Variants in TRAPPC9 observed in about 807,000 individuals in gnomAD.
The protein encoded by TRAPPC9 is trafficking protein particle complex subunit 9, also known as IKK2 binding protein.
A neutral mutation model predicts 124.0 loss-of-function variants in TRAPPC9; 83 were observed. That is an observed-to-expected ratio of 0.67 (90% CI 0.56 to 0.80). The LOEUF (loss-of-function observed/expected upper bound fraction) is 0.80, where lower values mean the gene tolerates loss of function less well. Ranked by LOEUF, TRAPPC9 falls within the 30% of genes least tolerant of loss-of-function variation. The pLI, the probability that TRAPPC9 is intolerant of heterozygous loss-of-function variation, is 0.00. For missense variants in TRAPPC9, 1,302 were observed against 1,508.3 expected (o/e 0.86, Z 2.27); for synonymous variants, 638 against 617.5 (o/e 1.03, Z -0.49).
intron 19 of TRAPPC9, among the ~76,000 whole-genome samples, chr8:139,963,707 C>T (rs919763999): frequency 7.5e-6 from 1 of 133,708 alleles, no homozygotes. Flanking sequence ...ACCTAAAGGG[C>T]GTCGGAACCA....
Position 140,397,752 on chromosome 8 carries a change from G to C in TRAPPC9, c.1009-7C>G. On this transcript the variant is annotated splice_region_variant and splice_polypyrimidine_tract_variant and intron_variant, in intron 6 of 22. Transcript: ENST00000438773. ...TCACTCCCGCATTCTTATACTGCAG[G>C]GTGTAAAGGAAATGCCTCAGTCAAA... 1 of 1,613,924 alleles carries C rather than the reference G, an allele frequency of 6.2e-7. No individual in the cohort carries two copies. Among genetic ancestry groups the C allele is most frequent in the Non-Finnish European group, 8.5e-7 (1 of 1,179,966 alleles).
chr8:139,974,487 T>G (rs542847989), intron 19 of TRAPPC9, among the ~76,000 whole-genome samples: 4 of 152,260 alleles, frequency 2.6e-5, no homozygotes, highest in African/African-American at 9.6e-5. Context: ...CTACAACCTC[T>G]TGGCAACCCA....
At chr8:140,157,013 G>GCCTCCCTTTTCCATTCAA (rs1563804211) in intron 17 of TRAPPC9, among the ~76,000 whole-genome samples, 1 of 22,144 alleles carries the variant, frequency 4.5e-5, no homozygotes, top group Non-Finnish European at 8.8e-5. Flanking sequence ...TTTCCATTCA[G>GCCTCCCTTTTCCATTCAA]AAGCCTCCCT....
At chr8:140,267,652 T>C (rs1230453703) in intron 15 of TRAPPC9, among the ~76,000 whole-genome samples, 2 of 148,162 alleles carry the variant, frequency 1.3e-5, no homozygotes, top group Admixed American at 6.8e-5. Context: ...GCTATTCTTT[T>C]GGGGTTTTTC....
intron 17 of TRAPPC9, among the ~76,000 whole-genome samples, chr8:140,158,677 T>C (rs1266202160): frequency 6.6e-6 from 1 of 152,234 alleles, no homozygotes; most frequent in African/African-American, 2.4e-5. Flanking sequence ...GATAAATAAC[T>C]ACAACCTTCC....
At chr8:139,987,735 C>A (rs900389377) in intron 19 of TRAPPC9, among the ~76,000 whole-genome samples, 1 of 152,148 alleles carries the variant, frequency 6.6e-6, no homozygotes. Flanking sequence ...GGAAGCACAG[C>A]CTCTTAGTAT....
At chr8:139,910,102 GGGCAAAGGTGCCCCCAGGCCCA>G in intron 20 of TRAPPC9, 23 bp downstream of exon 20, 1 of 1,612,266 alleles carries the variant, frequency 6.2e-7, no homozygotes, top group Non-Finnish European at 8.5e-7. Flanking sequence ...TTGGAACCCT[GGGCAAAGGTGCCCCCAGGCCCA>G]GGTGGCCCCT....
intron 21 of TRAPPC9, among the ~76,000 whole-genome samples, chr8:139,770,225 T>C (rs1468040648): frequency 6.6e-6 from 1 of 152,234 alleles, no homozygotes; most frequent in Non-Finnish European, 1.5e-5. Context: ...GTGGTGACAA[T>C]GGAGCCCAGA....
At chr8:139,733,091 G>A (rs1442319249) in intron 21 of TRAPPC9, among the ~76,000 whole-genome samples, 1 of 152,122 alleles carries the variant, frequency 6.6e-6, no homozygotes, top group Admixed American at 6.5e-5. Context: ...GAATGTGACC[G>A]TATTGGGGAA....
chr8:139,942,419 A>G (rs1563940050), intron 19 of TRAPPC9, among the ~76,000 whole-genome samples: 1 of 152,322 alleles, frequency 6.6e-6, no homozygotes, highest in East Asian at 1.9e-4. Flanking sequence ...AGAGCTTCTA[A>G]TGGAGGCAAG....
At chr8:139,753,150 T>G (rs1242803293) in intron 21 of TRAPPC9, among the ~76,000 whole-genome samples, 1 of 134,696 alleles carries the variant, frequency 7.4e-6, no homozygotes, top group African/African-American at 2.9e-5. Flanking sequence ...CCATCCACCA[T>G]CCACCCATCC....
intron 17 of TRAPPC9, among the ~76,000 whole-genome samples, chr8:140,183,263 G>A (rs1343924021): frequency 2.6e-5 from 4 of 152,168 alleles, no homozygotes. Context: ...GATGGTTGGT[G>A]GAAGACCTGT....
rs574781782 is a variant in TRAPPC9, at chr8:140,376,509, T to C, written c.1135-5329A>G. On this transcript the variant is annotated intron_variant, in intron 7 of 22. Transcript: ENST00000438773. ...AGACGGAACTTGCAGTGAGCCGGGA[T>C]TGCGCCACTGCACTCTAGCCTGGGC... 3.2e-4 allele frequency among the ~76,000 whole-genome samples: 44 copies of C among 137,464 alleles called. No individual in the cohort carries two copies. The South Asian group carries it at 4.1e-3, about 13-fold the overall frequency. The allele number at this position is 137,464 out of a possible 152,430, so 90.2% of individuals were successfully genotyped here. A position where few individuals can be genotyped will look rare whatever the true frequency, so the allele number is the denominator to read the frequency against.
intron 21 of TRAPPC9, among the ~76,000 whole-genome samples, chr8:139,781,608 G>A (rs569463959): frequency 6.6e-6 from 1 of 152,238 alleles, no homozygotes; most frequent in Non-Finnish European, 1.5e-5. Context: ...GTGAACCTTA[G>A]TGAAAACTGA....
rs980967897 is a variant in TRAPPC9, at chr8:139,742,939, G to C, written c.3056-10737C>G. 2.6e-5 allele frequency among the ~76,000 whole-genome samples: 4 copies of C among 152,114 alleles called. No homozygotes were observed. The highest frequency in any genetic ancestry group is 7.2e-5 in the African/African-American group (3 of 41,416). ...TAGAGAGGCGGGTTTCCTCTGTCTA[G>C]GGTGGTGCTGAGCATGAGTTTCTGC... On this transcript the variant is annotated intron_variant, in intron 21 of 22. Transcript: ENST00000438773. The surrounding 1 kb of genome is among the most constrained non-coding windows in gnomAD (Gnocchi z 4.7).
At chr8:140,066,735 T>G (rs1210121167) in intron 17 of TRAPPC9, among the ~76,000 whole-genome samples, 3 of 152,180 alleles carry the variant, frequency 2.0e-5, no homozygotes, top group African/African-American at 7.2e-5. Context: ...AATGGAAAAC[T>G]ATTGTGTTTA....
intron 17 of TRAPPC9, among the ~76,000 whole-genome samples, chr8:140,094,101 C>T (rs1844762301): frequency 6.6e-6 from 1 of 152,178 alleles, no homozygotes; most frequent in Non-Finnish European, 1.5e-5. Flanking sequence ...TCTGCCCACT[C>T]ATCGCACCTC....
chr8:140,260,976 A>C (rs11166967), intron 15 of TRAPPC9, among the ~76,000 whole-genome samples: 26,548 of 152,212 alleles, frequency 0.17, 2,446 homozygotes, highest in Admixed American at 0.22. Flanking sequence ...CATGAGCTCT[A>C]GGGTCAGACA....
chr8:140,419,286 G>T (rs894737013), intron 5 of TRAPPC9, among the ~76,000 whole-genome samples: 5 of 151,848 alleles, frequency 3.3e-5, no homozygotes, highest in Admixed American at 2.6e-4. Context: ...AAAATTAGCC[G>T]CGCGTGGTGG....
Sources: allele counts gnomAD v4.1 joint callset (sites outside exome capture counted in the v4.1 genomes callset), GRCh38; gene constraint gnomAD v4.1.1; non-coding constraint Gnocchi (gnomAD v3.1); transcripts MANE v1.5; gene names NCBI Gene and HGNC (gene_info 2026-07-23, HGNC 2026-07-21).